ZNF654: variants seen among roughly 807,000 people sequenced by gnomAD.
The protein encoded by ZNF654 is zinc finger protein 654, also known as melanoma-associated antigen.
In ZNF654, 19 loss-of-function variants were observed where a neutral mutation model predicts 95.3. The observed-to-expected ratio is 0.20, with a 90% CI of 0.14 to 0.29. ZNF654 has a LOEUF of 0.29. ZNF654 is among the 10% of genes least tolerant of loss of function. ZNF654 has a pLI of 1.00. For synonymous variants in ZNF654, 413 were observed against 457.9 expected (o/e 0.90, Z 1.25); for missense variants, 1,046 against 1,341.0 (o/e 0.78, Z 3.44).
At chr3:88,079,771 A>C (rs918964006) in intron 1 of ZNF654, among the ~76,000 whole-genome samples, 14 of 152,100 alleles carry the variant, frequency 9.2e-5, no homozygotes, top group Non-Finnish European at 2.1e-4. Context: ...TTACATTTAC[A>C]GAACCTATCA....
At position 88,139,241 on chromosome 3, in the gene ZNF654, T is replaced by G; in HGVS notation, c.1572T>G (p.Ile524Met). 1 of 1,515,518 alleles carries G rather than the reference T, an allele frequency of 6.6e-7. No homozygotes were observed. 93.9% of individuals were successfully genotyped at this position (1,515,518 alleles called of 1,614,324 possible). The part of the protein sequence containing the change: ...DVSGVQPKGH[I>M]NTKKNLTALS... The stretch of plus-strand genomic sequence containing the variant: ...CTGGAGTGCAGCCTAAAGGTCATAT[T>G]AATACGAAGAAAAATCTTACAGCTC... The change falls in exon 8 of 9, where the codon ATT becomes ATG. Residue 524 changes from isoleucine (I) to methionine (M), a missense_variant. Physicochemically the swap from Ile to Met is conservative, Grantham distance 10 (BLOSUM62 1). This residue lies in a region of ZNF654 where 100 missense variants were observed against 108.9 expected (regional missense o/e 0.92). Coordinates refer to ENST00000636215, the MANE Select transcript of ZNF654 (RefSeq NM_001350134.2).
chr3:88,070,826 A>G (rs1192656120), intron 1 of ZNF654, among the ~76,000 whole-genome samples: 1 of 152,202 alleles, frequency 6.6e-6, no homozygotes, highest in African/African-American at 2.4e-5. Flanking sequence ...GCTGAGACTC[A>G]GAGAGATTAA....
At chr3:88,085,538 T>TTAATA (rs1263957558) in intron 1 of ZNF654, among the ~76,000 whole-genome samples, 1 of 152,236 alleles carries the variant, frequency 6.6e-6, no homozygotes, top group Non-Finnish European at 1.5e-5. Context: ...ATGGATTTTG[T>TTAATA]TAATATAATA....
intron 3 of ZNF654, among the ~76,000 whole-genome samples, chr3:88,115,432 G>A (rs1367972708): frequency 1.3e-5 from 2 of 152,208 alleles, no homozygotes; most frequent in African/African-American, 4.8e-5. Flanking sequence ...TGGGTTAAAT[G>A]AGTAAAGTGC....
intron 5 of ZNF654, among the ~76,000 whole-genome samples, chr3:88,129,321 TAAAAAAAAAA>T (rs11370327): frequency 1.3e-5 from 1 of 76,948 alleles, no homozygotes; most frequent in Non-Finnish European, 2.4e-5. Flanking sequence ...TTGCCAGGAG[TAAAAAAAAAA>T]AAAAAAAAAA....
At chr3:88,093,013 C>T in intron 2 of ZNF654, among the ~76,000 whole-genome samples, 1 of 152,106 alleles carries the variant, frequency 6.6e-6, no homozygotes, top group Non-Finnish European at 1.5e-5. Flanking sequence ...CTTAAATCAG[C>T]TAATTATAAT....
intron 1 of ZNF654, among the ~76,000 whole-genome samples, chr3:88,077,631 G>A (rs1488534823): frequency 6.6e-6 from 1 of 152,142 alleles, no homozygotes; most frequent in African/African-American, 2.4e-5. Flanking sequence ...TACTGCTTCT[G>A]AGATAGGGAA....
chr3:88,103,111 GATAATGGCCTTAT>G (rs1430347477), intron 2 of ZNF654, among the ~76,000 whole-genome samples: 1 of 152,012 alleles, frequency 6.6e-6, no homozygotes, highest in Non-Finnish European at 1.5e-5. Context: ...ATTCACTTAG[GATAATGGCCTTAT>G]ATAATGAAGC....
intron 6 of ZNF654, among the ~76,000 whole-genome samples, chr3:88,134,377 T>A (rs1706647498): frequency 6.6e-6 from 1 of 152,116 alleles, no homozygotes; most frequent in African/African-American, 2.4e-5. Context: ...TACACTTTTA[T>A]GACATGTTTT....
At chr3:88,130,521 G>T (rs1466386486) in intron 6 of ZNF654, among the ~76,000 whole-genome samples, 5 of 151,954 alleles carry the variant, frequency 3.3e-5, no homozygotes, top group Non-Finnish European at 5.9e-5. Context: ...GTGCGATCAT[G>T]GCTCACTGCA....
chr3:88,117,468 G>A (rs1705481255), intron 3 of ZNF654, among the ~76,000 whole-genome samples: 1 of 152,000 alleles, frequency 6.6e-6, no homozygotes, highest in Admixed American at 6.6e-5. Context: ...ATAAGATAGA[G>A]CAACAGAAAT....
rs1301985461 is a variant in ZNF654 at position 88,129,705 on chromosome 3, TGTA to T, written c.773_775del (p.Cys258_Lys259delinsTer). On this transcript the variant is annotated stop_gained and inframe_deletion, in exon 6 of 9. Coordinates refer to ENST00000636215, the MANE Select transcript of ZNF654 (RefSeq NM_001350134.2). LOFTEE classifies it high-confidence loss of function. Reference sequence around the variant, plus strand: ...CTTACAGCATTTATTGAAAACTGATTGTAAGAGTGGAATTGATATCATCTGTAA... The same window carrying T: ...CTTACAGCATTTATTGAAAACTGATTAGAGTGGAATTGATATCATCTGTAA... The T allele has an allele frequency of 6.7e-7, 1 of 1,499,554 alleles. No individual in the cohort carries two copies. Among genetic ancestry groups the T allele is most frequent in the Non-Finnish European group, 8.9e-7 (1 of 1,124,366 alleles). The allele number at this position is 1,499,554 out of a possible 1,614,324, so 92.9% of individuals were successfully genotyped here.
chr3:88,063,355 T>G (rs1275287011), intron 1 of ZNF654, among the ~76,000 whole-genome samples: 7 of 152,160 alleles, frequency 4.6e-5, no homozygotes, highest in Non-Finnish European at 1.0e-4. Context: ...TCAAATAGTT[T>G]TTAAGTAACG....
At chr3:88,115,793 A>G (rs1052508049) in intron 3 of ZNF654, among the ~76,000 whole-genome samples, 3 of 152,278 alleles carry the variant, frequency 2.0e-5, no homozygotes, top group Admixed American at 1.3e-4. Context: ...CATATGATGC[A>G]TCTGCCTCAT....
At chr3:88,097,143 G>A (rs149366369) in intron 2 of ZNF654, among the ~76,000 whole-genome samples, 8 of 152,148 alleles carry the variant, frequency 5.3e-5, no homozygotes, top group South Asian at 2.1e-4. Context: ...ATGTATGACC[G>A]GAATATGTAC....
In ZNF654 at chr3:88,140,051, G is replaced by T; in HGVS notation, c.2382G>T (p.Arg794Ser). 1 of 1,613,672 alleles carries T rather than the reference G, an allele frequency of 6.2e-7. No homozygotes were observed. Among genetic ancestry groups the T allele is most frequent in the Non-Finnish European group, 8.5e-7 (1 of 1,179,724 alleles). The change falls in exon 8 of 9, where the codon AGG becomes AGT. Residue 794 changes from arginine to serine, a missense_variant. Arg to Ser is a moderately radical substitution (Grantham distance 110, BLOSUM62 -1). Coordinates refer to ENST00000636215, the MANE Select transcript of ZNF654 (RefSeq NM_001350134.2). Reference protein sequence around the residue: ...WSKGKCKFCQRQFEDSQHFID... With the variant: ...WSKGKCKFCQSQFEDSQHFID... The stretch of plus-strand genomic sequence containing the variant: ...AAGGAAAATGCAAATTTTGTCAAAG[G>T]CAATTTGAAGATTCTCAACATTTTA...
chr3:88,131,476 A>G (rs898850602), intron 6 of ZNF654, among the ~76,000 whole-genome samples: 13 of 152,154 alleles, frequency 8.5e-5, no homozygotes, highest in African/African-American at 3.1e-4. Flanking sequence ...TAGTTCTTTC[A>G]TTGTAATATA....
intron 2 of ZNF654, among the ~76,000 whole-genome samples, chr3:88,106,260 CT>C (rs1704730806): frequency 2.0e-5 from 3 of 152,128 alleles, no homozygotes; most frequent in Admixed American, 6.5e-5. Flanking sequence ...ATTAGTTGGA[CT>C]TTTTCTTTTC....
At chr3:88,119,278 C>G (rs944201659) in intron 3 of ZNF654, among the ~76,000 whole-genome samples, 23 of 145,620 alleles carry the variant, frequency 1.6e-4, no homozygotes, top group Middle Eastern at 3.5e-3. Context: ...AGTAAACTAT[C>G]GCAAGAACAA....
Sources: gnomAD v4.1 joint callset for allele counts (sites outside exome capture counted in the v4.1 genomes callset) on GRCh38, gnomAD v4.1.1 for gene constraint, gnomAD v4.1.1 regional missense constraint, MANE v1.5 for transcripts, NCBI Gene and HGNC (gene_info 2026-07-23, HGNC 2026-07-21) for gene names.